The following GRIK2 variants were observed in gnomAD, a reference collection of about 807,000 sequenced individuals.
The protein encoded by GRIK2 is glutamate ionotropic receptor kainate type subunit 2, also known as glutamate receptor ionotropic, kainate 2.
Under a neutral mutation model 100.3 loss-of-function variants are expected in GRIK2, and 32 were observed. The observed-to-expected ratio is 0.32, with a 90% CI of 0.24 to 0.43. The LOEUF (loss-of-function observed/expected upper bound fraction) is 0.43. Ranked by LOEUF, GRIK2 falls within the 20% of genes least tolerant of loss-of-function variation. The pLI is 1.00. For synonymous variants in GRIK2, 417 were observed against 389.4 expected, an observed-to-expected ratio of 1.07 and a Z score of -0.83; for missense variants, 843 against 1,114.9, an observed-to-expected ratio of 0.76 and a Z score of 3.47.
At chr6:101,484,312 TGTTTA>T (rs1410458750) in intron 2 of GRIK2, among the ~76,000 whole-genome samples, 1 of 152,194 alleles carries the variant, frequency 6.6e-6, no homozygotes, top group Non-Finnish European at 1.5e-5. Flanking sequence ...ATTTGTGGTT[TGTTTA>T]GTTTTTCAAT....
rs757086774 is a variant in GRIK2 at position 101,487,938 on chromosome 6, C to T, written c.115+88546C>T. Among the ~76,000 whole-genome samples, 19 of 145,608 alleles carry T rather than the reference C, an allele frequency of 1.3e-4. 2 individuals carry two copies. Among genetic ancestry groups the T allele is most frequent in the African/African-American group, 4.2e-4 (16 of 38,154 alleles). On this transcript the variant is annotated intron_variant, in intron 2 of 16. Transcript: ENST00000369134. ...TTAGCAGAAAAAATACTATCCACTA[C>T]GGGAAAAAAAATCTGTATTTTTACC...
intron 2 of GRIK2, among the ~76,000 whole-genome samples, chr6:101,485,884 C>T (rs1018217272): frequency 8.7e-5 from 13 of 148,830 alleles, no homozygotes; most frequent in African/African-American, 2.5e-4. Context: ...TGGTATAAAA[C>T]GTAATTAGCA....
chr6:101,419,300 CTCTT>C (rs1369096666), intron 2 of GRIK2, among the ~76,000 whole-genome samples: 4 of 152,104 alleles, frequency 2.6e-5, no homozygotes, highest in Admixed American at 2.6e-4. Flanking sequence ...CTCAGTGTAG[CTCTT>C]TCTTTGTGTA....
chr6:101,580,771 C>A (rs998849910), intron 2 of GRIK2, among the ~76,000 whole-genome samples: 1 of 152,040 alleles, frequency 6.6e-6, no homozygotes, highest in African/African-American at 2.4e-5. Flanking sequence ...CATGCTCCTG[C>A]CTCTGGGAGT....
chr6:101,558,013 A>C (rs1776827626), intron 2 of GRIK2, among the ~76,000 whole-genome samples: 1 of 152,174 alleles, frequency 6.6e-6, no homozygotes, highest in Non-Finnish European at 1.5e-5. Flanking sequence ...AATTGTAGAC[A>C]CAGTGATCTT....
chr6:101,874,704 C>T (rs1403555152), intron 11 of GRIK2, among the ~76,000 whole-genome samples: 3 of 150,958 alleles, frequency 2.0e-5, no homozygotes, highest in Non-Finnish European at 3.0e-5. Flanking sequence ...GCCATTTTCA[C>T]GATATTGATT....
chr6:101,780,024 CAT>C (rs1221992651), intron 7 of GRIK2, among the ~76,000 whole-genome samples: 5 of 152,080 alleles, frequency 3.3e-5, no homozygotes, highest in Admixed American at 3.3e-4. Flanking sequence ...CTAACTATCT[CAT>C]ATGGATTTTA....
chr6:101,928,379 C>A, intron 13 of GRIK2, 36 bp from the exon 14 acceptor site: 1 of 1,033,446 alleles, frequency 9.7e-7, no homozygotes, highest in Non-Finnish European at 1.5e-6. Flanking sequence ...ATCAAATTCT[C>A]TATATTCGTT....
chr6:101,416,921 A>G (rs1334854228), intron 2 of GRIK2, among the ~76,000 whole-genome samples: 2 of 152,204 alleles, frequency 1.3e-5, no homozygotes, highest in Non-Finnish European at 2.9e-5. Flanking sequence ...TGGCCTGCTC[A>G]GAAAAAAGGA....
intron 14 of GRIK2, among the ~76,000 whole-genome samples, chr6:102,023,350 A>G (rs995068294): frequency 5.3e-5 from 8 of 151,528 alleles, no homozygotes; most frequent in Non-Finnish European, 1.2e-4. Context: ...GGGTAAAAAA[A>G]GAAAGAAATA....
intron 2 of GRIK2, among the ~76,000 whole-genome samples, chr6:101,507,203 TGTTA>T (rs1309393423): frequency 6.6e-6 from 1 of 152,152 alleles, no homozygotes; most frequent in African/African-American, 2.4e-5. Flanking sequence ...TTGGAAAATC[TGTTA>T]GTTAAAAATG....
intron 4 of GRIK2, among the ~76,000 whole-genome samples, chr6:101,676,166 G>A (rs572515334): frequency 8.5e-5 from 13 of 152,212 alleles, no homozygotes; most frequent in African/African-American, 2.4e-4. Flanking sequence ...CGCACAGAAC[G>A]TGTTATGGAA....
intron 14 of GRIK2, chr6:101,993,961 TATCTATATATAC>T: frequency 7.3e-6 from 1 of 136,248 alleles, no homozygotes; most frequent in East Asian, 4.4e-4. Flanking sequence ...CAAATGTATA[TATCTATATATAC>T]ATTACATACA....
At chr6:101,739,484 T>A (rs1403293379) in intron 7 of GRIK2, among the ~76,000 whole-genome samples, 1 of 152,178 alleles carries the variant, frequency 6.6e-6, no homozygotes, top group South Asian at 2.1e-4. Flanking sequence ...GTTCAGGCTC[T>A]GTTATTGACT....
chr6:101,432,331 A>G (rs1034144226), intron 2 of GRIK2, among the ~76,000 whole-genome samples: 1 of 152,198 alleles, frequency 6.6e-6, no homozygotes, highest in African/African-American at 2.4e-5. Context: ...CTTACTAGAA[A>G]GATGAGTCTT....
intron 7 of GRIK2, among the ~76,000 whole-genome samples, chr6:101,794,038 T>C (rs989013711): frequency 6.6e-6 from 1 of 152,190 alleles, no homozygotes; most frequent in African/African-American, 2.4e-5. Flanking sequence ...AATCTCCTGG[T>C]GCGCCATTTC....
At chr6:101,819,633 C>T (rs1781834506) in intron 10 of GRIK2, among the ~76,000 whole-genome samples, 1 of 152,100 alleles carries the variant, frequency 6.6e-6, no homozygotes, top group Non-Finnish European at 1.5e-5. Flanking sequence ...CCAACCTAGC[C>T]CTCTTCTTCA....
chr6:101,855,722 C>A (rs1014760998), intron 10 of GRIK2, among the ~76,000 whole-genome samples: 2 of 152,058 alleles, frequency 1.3e-5, no homozygotes, highest in African/African-American at 4.8e-5. Flanking sequence ...TTATTTTATT[C>A]CAGTTTTAAT....
At chr6:101,609,729 C>A (rs531114954) in intron 2 of GRIK2, among the ~76,000 whole-genome samples, 2 of 151,796 alleles carry the variant, frequency 1.3e-5, no homozygotes, top group African/African-American at 4.8e-5. Flanking sequence ...CAAGTTAAGT[C>A]CGATAAGTCA....
Sources: allele counts gnomAD v4.1 joint callset (sites outside exome capture counted in the v4.1 genomes callset), GRCh38; gene constraint gnomAD v4.1.1; transcripts MANE v1.5; gene names NCBI Gene and HGNC (gene_info 2026-07-23, HGNC 2026-07-21).